Variants in MYT1L observed in about 807,000 individuals in gnomAD.
MYT1L encodes myelin transcription factor 1-like protein.
Under a neutral mutation model 126.7 loss-of-function variants are expected in MYT1L, and 12 were observed. That is an observed-to-expected ratio of 0.09 (90% CI 0.06 to 0.15). The LOEUF is 0.15. MYT1L is among the 10% of genes least tolerant of loss of function. The probability of loss-of-function intolerance (pLI) is 1.00; values close to 1 mark genes in which losing one functional copy is unlikely to be tolerated. For synonymous variants in MYT1L, 541 were observed against 604.2 expected, an observed-to-expected ratio of 0.90 and a Z score of 1.53; for missense variants, 979 against 1,585.2, an observed-to-expected ratio of 0.62 and a Z score of 6.49.
chr2:2,239,576 G>C (rs2094396011), intron 2 of MYT1L, among the ~76,000 whole-genome samples: 1 of 152,204 alleles, frequency 6.6e-6, no homozygotes, highest in South Asian at 2.1e-4. Flanking sequence ...ACGTCCTTCG[G>C]GGTTTACATG....
chr2:2,227,547 C>T (rs1021627926), intron 2 of MYT1L, among the ~76,000 whole-genome samples: 16 of 152,266 alleles, frequency 1.1e-4, no homozygotes, highest in African/African-American at 2.2e-4. Context: ...CTTCCCAGCT[C>T]GTCACACCCA....
chr2:1,872,247 T>C (rs1280435357), intron 18 of MYT1L, among the ~76,000 whole-genome samples: 1 of 152,230 alleles, frequency 6.6e-6, no homozygotes, highest in Non-Finnish European at 1.5e-5. Context: ...CACCAGGGCA[T>C]GAAAAGTGCC....
chr2:1,972,206 G>A (rs2059863788), intron 8 of MYT1L, among the ~76,000 whole-genome samples: 1 of 152,164 alleles, frequency 6.6e-6, no homozygotes, highest in African/African-American at 2.4e-5. Flanking sequence ...TTGTACAGCA[G>A]CCACACGTTA....
intron 18 of MYT1L, among the ~76,000 whole-genome samples, chr2:1,885,684 A>G (rs543778602): frequency 1.1e-4 from 16 of 152,336 alleles, no homozygotes; most frequent in African/African-American, 3.6e-4. Flanking sequence ...GCAATTTGAC[A>G]TAATGATATG....
At chr2:2,293,552 C>T (rs893080219) in intron 1 of MYT1L, among the ~76,000 whole-genome samples, 6 of 152,168 alleles carry the variant, frequency 3.9e-5, no homozygotes, top group African/African-American at 9.6e-5. Flanking sequence ...CTTAGAAGAA[C>T]GAAGGCTTCC....
intron 2 of MYT1L, among the ~76,000 whole-genome samples, chr2:2,218,426 A>C (rs1010658878): frequency 6.6e-6 from 1 of 152,252 alleles, no homozygotes; most frequent in African/African-American, 2.4e-5. Context: ...AGATGGGTGA[A>C]TCTCAAAATA....
chr2:2,241,157 A>G (rs956223208), intron 2 of MYT1L, among the ~76,000 whole-genome samples: 3 of 152,144 alleles, frequency 2.0e-5, no homozygotes, highest in Non-Finnish European at 4.4e-5. Context: ...CGTGTTAATA[A>G]AGTAACAAGC....
At chr2:1,871,610 C>T (rs367958831) in intron 18 of MYT1L, among the ~76,000 whole-genome samples, 60 of 152,250 alleles carry the variant, frequency 3.9e-4, no homozygotes, top group African/African-American at 1.4e-3. Context: ...GGGTCTGGAT[C>T]GAGGGTCCCT....
intron 2 of MYT1L, among the ~76,000 whole-genome samples, chr2:2,201,577 A>T (rs548890812): frequency 6.6e-6 from 1 of 152,152 alleles, no homozygotes; most frequent in East Asian, 1.9e-4. Flanking sequence ...AGGTACCTGT[A>T]ATCCCAGCTA....
At chr2:1,891,987 C>T (rs891313988) in intron 15 of MYT1L, 50 bp downstream of exon 15, 4 of 1,458,452 alleles carry the variant, frequency 2.7e-6, no homozygotes, top group Non-Finnish European at 3.6e-6. Flanking sequence ...GGGTCCGCGG[C>T]CCGGCCTCCC....
intron 18 of MYT1L, among the ~76,000 whole-genome samples, chr2:1,884,478 A>G (rs992229055): frequency 4.6e-5 from 7 of 152,246 alleles, no homozygotes; most frequent in African/African-American, 1.7e-4. Context: ...GTAACAGATA[A>G]AAGGGGTCAC....
At chr2:2,183,492 T>A (rs2091762730) in intron 2 of MYT1L, among the ~76,000 whole-genome samples, 2 of 152,152 alleles carry the variant, frequency 1.3e-5, no homozygotes, top group African/African-American at 4.8e-5. Flanking sequence ...AAAAGAAACA[T>A]CCTTCCAGTG....
At chr2:2,127,391 T>C (rs925018391) in intron 3 of MYT1L, among the ~76,000 whole-genome samples, 4 of 152,222 alleles carry the variant, frequency 2.6e-5, no homozygotes, top group African/African-American at 9.6e-5. Flanking sequence ...AAAGGCTCTC[T>C]TAAAACCTGT....
At chr2:2,308,978 A>T (rs1226698160) in intron 1 of MYT1L, among the ~76,000 whole-genome samples, 3 of 151,542 alleles carry the variant, frequency 2.0e-5, no homozygotes, top group Non-Finnish European at 4.4e-5. Flanking sequence ...ATTATATTCT[A>T]CCTATACTTC....
At chr2:2,231,572 C>T (rs778226466) in intron 2 of MYT1L, among the ~76,000 whole-genome samples, 3 of 152,016 alleles carry the variant, frequency 2.0e-5, no homozygotes, top group East Asian at 1.9e-4. Context: ...CTCAGCCTCC[C>T]GAGTAGCTGG....
chr2:1,997,546 G>A (rs2061977577), intron 4 of MYT1L, among the ~76,000 whole-genome samples, 199 bp from the exon 5 acceptor site: 1 of 152,170 alleles, frequency 6.6e-6, no homozygotes, highest in South Asian at 2.1e-4. Context: ...CCTGCTGTTC[G>A]GACTCTGACC....
intron 2 of MYT1L, among the ~76,000 whole-genome samples, chr2:2,192,772 G>T (rs1382852774): frequency 6.6e-6 from 1 of 152,166 alleles, no homozygotes; most frequent in Non-Finnish European, 1.5e-5. Flanking sequence ...GGACGGTGAT[G>T]GGAGCAGAGG....
In MYT1L at chr2:1,791,822, A is replaced by G. The variant is rs2032140267; in HGVS notation, c.*45T>C. 2 of 1,509,606 alleles carry G rather than the reference A, an allele frequency of 1.3e-6. No individual in the cohort carries two copies. The highest frequency in any genetic ancestry group is 1.8e-6 in the Non-Finnish European group (2 of 1,134,120). The allele number at this position is 1,509,606 out of a possible 1,614,324, so 93.5% of individuals were successfully genotyped here. A position where few individuals can be genotyped will look rare whatever the true frequency, so the allele number is the denominator to read the frequency against. ...TGGTAAGTTACAGCAGCAAAAAACA[A>G]GAGGCATCCTTTTTAAGCAAGAGTT... On this transcript the variant is annotated 3_prime_UTR_variant, in exon 25 of 25. Transcript: ENST00000647738. The surrounding 1 kb of genome is among the most constrained non-coding windows in gnomAD (Gnocchi z 6.0).
At chr2:2,321,336 T>C (rs952936866) in intron 1 of MYT1L, among the ~76,000 whole-genome samples, 2 of 152,176 alleles carry the variant, frequency 1.3e-5, no homozygotes, top group Admixed American at 1.3e-4. Context: ...AGACTCGGTT[T>C]GATGGCTCTC....
Sources: gnomAD v4.1 joint callset for allele counts (sites outside exome capture counted in the v4.1 genomes callset) on GRCh38, gnomAD v4.1.1 for gene constraint, Gnocchi (gnomAD v3.1) non-coding constraint, MANE v1.5 for transcripts, NCBI Gene and HGNC (gene_info 2026-07-23, HGNC 2026-07-21) for gene names.